The following COL4A3 variants were observed in gnomAD, a reference collection of about 807,000 sequenced individuals.
COL4A3 encodes collagen type IV alpha 3 chain.
In COL4A3, 135 loss-of-function variants were observed where a neutral mutation model predicts 217.4. The observed-to-expected ratio is 0.62, with a 90% CI of 0.54 to 0.72. The LOEUF (loss-of-function observed/expected upper bound fraction) is 0.72. COL4A3 is among the 30% of genes least tolerant of loss of function. The probability of loss-of-function intolerance (pLI) is 0.00; values close to 1 mark genes in which losing one functional copy is unlikely to be tolerated. For missense variants in COL4A3, 1,868 were observed against 2,119.9 expected (o/e 0.88, Z 2.33); for synonymous variants, 690 against 736.3 (o/e 0.94, Z 1.02).
chr2:227,179,950 T>G (rs76469224), intron 1 of COL4A3, among the ~76,000 whole-genome samples: 5,327 of 152,304 alleles, frequency 0.035, 157 homozygotes, highest in Admixed American at 0.08. Context: ...AATGCGTAAG[T>G]GCAACGGAGC....
intron 50 of COL4A3, 135 bp from the exon 51 acceptor site, chr2:227,310,641 C>G: frequency 1.3e-6 from 1 of 764,492 alleles, no homozygotes. Context: ...TATTTCTAAT[C>G]TGTAGCATCG....
At position 227,250,666 on chromosome 2, in the gene COL4A3, A is replaced by G. The variant is rs979833952; in HGVS notation, c.547-474A>G. On this transcript the variant is annotated intron_variant, in intron 9 of 51. Transcript: ENST00000396578. This position sits in a 1 kb window ranked among gnomAD's most constrained non-coding sequence, Gnocchi z 4.1. ...CAGGATAGGAAGTGTCTGGGTTGGA[A>G]GGTGGGTTACAACTTTGGATAAGCA... Among the ~76,000 whole-genome samples the G allele has an allele frequency of 5.9e-5, 9 of 152,216 alleles. No individual in the cohort carries two copies. Among genetic ancestry groups the G allele is most frequent in the Admixed American group, 4.6e-4 (7 of 15,288 alleles).
chr2:227,263,406 C>T (rs2070710355), intron 20 of COL4A3, among the ~76,000 whole-genome samples: 1 of 152,110 alleles, frequency 6.6e-6, no homozygotes, highest in Non-Finnish European at 1.5e-5. Flanking sequence ...TAACAACTTT[C>T]TCTCTTTCTC....
At chr2:227,217,987 T>C (rs1392458267) in intron 1 of COL4A3, among the ~76,000 whole-genome samples, 1 of 140,680 alleles carries the variant, frequency 7.1e-6, no homozygotes, top group Non-Finnish European at 1.6e-5. Context: ...GATTCATCCA[T>C]TAAAATACAC....
chr2:227,192,078 G>C (rs1172861419), intron 1 of COL4A3, among the ~76,000 whole-genome samples: 1 of 152,170 alleles, frequency 6.6e-6, no homozygotes, highest in Admixed American at 6.5e-5. Flanking sequence ...TTATCTCTCT[G>C]TGCTCAAGTA....
rs577500533 is a variant in COL4A3, at chr2:227,170,592, C to T, written c.87+5779C>T. Among the ~76,000 whole-genome samples the T allele has an allele frequency of 1.8e-4, 28 of 152,106 alleles. No individual in the cohort carries two copies. The South Asian group carries it at 2.3e-3, about 12-fold the overall frequency. ...CCCCCATGATTCAACTATCTCCCAC[C>T]GAGTCCCTCCCACAACACATAGGAA... On this transcript the variant is annotated intron_variant, in intron 1 of 51. Transcript: ENST00000396578.
In COL4A3 at chr2:227,298,704, T is replaced by G; in HGVS notation, c.3774T>G (p.Pro1258=). 1 of 1,614,018 alleles carries G rather than the reference T, an allele frequency of 6.2e-7. No individual in the cohort carries two copies. The change falls in exon 43 of 52, where the codon CCT becomes CCG. Residue 1258 remains proline (P), a synonymous_variant. Transcript: ENST00000396578. The stretch of plus-strand genomic sequence containing the variant: ...CAGGTGCGCCTGGTCCCCCTGGACC[T>G]CCAGGGAGTCATGTAATAGGCATAA... ...GSPGAPGPPG[P]PGSHVIGIKG...
chr2:227,300,901 C>G (rs1030247372), intron 43 of COL4A3, among the ~76,000 whole-genome samples: 1 of 151,816 alleles, frequency 6.6e-6, no homozygotes, highest in East Asian at 1.9e-4. Flanking sequence ...GGGTATGGGT[C>G]GGGTGGAGGA....
rs78871004 is a variant in COL4A3, at chr2:227,300,963, C to A, written c.3883-2075C>A. ...TGGGTGTGTGTGAGTGACACACACA[C>A]AACTCTATTACTGGAGCTGAGGTGG... is the stretch of plus-strand genomic sequence containing the variant. On this transcript the variant is annotated intron_variant, in intron 43 of 51. Transcript: ENST00000396578. Among the ~76,000 whole-genome samples the A allele has an allele frequency of 2.4e-3, 367 of 152,160 alleles. 1 individual carries two copies. The highest frequency in any genetic ancestry group is 8.5e-3 in the African/African-American group (351 of 41,534).
At position 227,164,831 on chromosome 2, in the gene COL4A3, GACCCCC is replaced by G; in HGVS notation, c.87+25_87+30del. ...CCAGCAAGGTGAGTGGGGGCTGCGC[GACCCCC>G]ACCCCCGCACTTCCATCCCTCCTCC... On this transcript the variant is annotated intron_variant, in intron 1 of 51. Transcript: ENST00000396578. This position sits in a 1 kb window ranked among gnomAD's most constrained non-coding sequence, Gnocchi z 4.8. 6.7e-7 allele frequency: 1 copy of G among 1,500,974 alleles called. No homozygotes were observed. Among genetic ancestry groups the G allele is most frequent in the Non-Finnish European group, 8.8e-7 (1 of 1,132,118 alleles). The allele number at this position is 1,500,974 out of a possible 1,614,324, so 93.0% of individuals were successfully genotyped here. A position where few individuals can be genotyped will look rare whatever the true frequency, so the allele number is the denominator to read the frequency against.
intron 1 of COL4A3, among the ~76,000 whole-genome samples, chr2:227,226,669 C>T (rs55966807): frequency 0.23 from 35,192 of 152,052 alleles, 4,569 homozygotes; most frequent in Non-Finnish European, 0.3. Context: ...GGGGTTTCCC[C>T]CAGTTGGCCA....
At chr2:227,249,231 T>TA (rs71036175) in intron 9 of COL4A3, among the ~76,000 whole-genome samples, 65 of 19,382 alleles carry the variant, frequency 3.4e-3, no homozygotes, top group Middle Eastern at 0.016. Flanking sequence ...TATATATATA[T>TA]TTTTTTTTTT....
At chr2:227,231,912 A>AT (rs35294317) in intron 1 of COL4A3, among the ~76,000 whole-genome samples, 76,275 of 151,468 alleles carry the variant, frequency 0.5, 19,776 homozygotes, top group East Asian at 0.75. Context: ...ATTCATTCTA[A>AT]TTTTTTTTTG....
At chr2:227,186,470 G>A (rs6733883) in intron 1 of COL4A3, among the ~76,000 whole-genome samples, 3,644 of 152,300 alleles carry the variant, frequency 0.024, 90 homozygotes, top group Non-Finnish European at 0.034. Flanking sequence ...CTAGTGTGGG[G>A]AACAGCTAAT....
At position 227,282,599 on chromosome 2, in the gene COL4A3, G is replaced by C; in HGVS notation, c.2656+67G>C. 7.2e-7 allele frequency: 1 copy of C among 1,389,542 alleles called. No individual in the cohort carries two copies. Among genetic ancestry groups the C allele is most frequent in the Non-Finnish European group, 1.0e-6 (1 of 977,890 alleles). 86.1% of individuals were successfully genotyped at this position (1,389,542 alleles called of 1,614,324 possible). On this transcript the variant is annotated intron_variant, in intron 32 of 51. Coordinates refer to ENST00000396578, the MANE Select transcript of COL4A3 (RefSeq NM_000091.5). The surrounding 1 kb of genome is among the most constrained non-coding windows in gnomAD (Gnocchi z 4.4). ...TCTTCTTAAGGTGGCTCTGTCAACTGTACATAGGCATACGCTTTTTACTCT... is the reference window on the plus strand; with the variant it reads ...TCTTCTTAAGGTGGCTCTGTCAACTCTACATAGGCATACGCTTTTTACTCT...
intron 50 of COL4A3, 100 bp downstream of exon 50, chr2:227,309,418 G>C: frequency 1.2e-6 from 1 of 858,642 alleles, no homozygotes; most frequent in Non-Finnish European, 1.9e-6. Context: ...GCTGCCTGCT[G>C]TCCGTGTGTG....
At chr2:227,285,323 G>A (rs150242128) in intron 34 of COL4A3, among the ~76,000 whole-genome samples, 14 of 125,144 alleles carry the variant, frequency 1.1e-4, no homozygotes, top group Non-Finnish European at 2.2e-4. Context: ...GGGTGCTGTA[G>A]ACTACAATAT....
In COL4A3 at chr2:227,313,622, C is replaced by T. The variant is rs1325786964; in HGVS notation, c.*1752C>T. ...GAAAAACATGACCCAGAGGACAGCA[C>T]AGACTATGGCCATGGCTCACATGGT... On this transcript the variant is annotated 3_prime_UTR_variant, in exon 52 of 52. Coordinates refer to ENST00000396578, the MANE Select transcript of COL4A3 (RefSeq NM_000091.5). 6.6e-6 allele frequency: 1 copy of T among 152,642 alleles called. No individual in the cohort carries two copies. Among genetic ancestry groups the T allele is most frequent in the Non-Finnish European group, 1.5e-5 (1 of 68,034 alleles). 9.5% of individuals were successfully genotyped at this position (152,642 alleles called of 1,614,324 possible).
intron 15 of COL4A3, 116 bp from the exon 16 acceptor site, chr2:227,255,910 C>A: frequency 9.8e-7 from 1 of 1,018,844 alleles, no homozygotes; most frequent in Non-Finnish European, 1.5e-6. Flanking sequence ...AAGATCTTTA[C>A]TCAGGCTTTT....
Sources: allele counts gnomAD v4.1 joint callset (sites outside exome capture counted in the v4.1 genomes callset), GRCh38; gene constraint gnomAD v4.1.1; non-coding constraint Gnocchi (gnomAD v3.1); transcripts MANE v1.5; gene names NCBI Gene and HGNC (gene_info 2026-07-23, HGNC 2026-07-21).